The following NCBP1 variants were observed in gnomAD, a reference collection of about 807,000 sequenced individuals.
NCBP1 encodes nuclear cap-binding protein subunit 1.
In NCBP1, 16 loss-of-function variants were observed where a neutral mutation model predicts 111.7. That is an observed-to-expected ratio of 0.14 (90% CI 0.10 to 0.22). The LOEUF is 0.22. Among genes scored for constraint, NCBP1 ranks in the 10% least tolerant of loss-of-function variants. NCBP1 has a pLI of 1.00. For synonymous variants in NCBP1, 304 were observed against 314.3 expected (o/e 0.97, Z 0.35); for missense variants, 607 against 957.5 (o/e 0.63, Z 4.83).
intron 15 of NCBP1, among the ~76,000 whole-genome samples, chr9:97,659,143 A>G (rs374607389): frequency 3.0e-4 from 45 of 152,380 alleles, no homozygotes; most frequent in African/African-American, 1.0e-3. Context: ...ATTCTTAATT[A>G]TGATTTTCTT....
chr9:97,649,850 AAG>A (rs1435077414), intron 8 of NCBP1, among the ~76,000 whole-genome samples: 1 of 152,024 alleles, frequency 6.6e-6, no homozygotes, highest in Admixed American at 6.5e-5. Flanking sequence ...CCCTTGCTAG[AAG>A]AGTATAAATA....
chr9:97,634,927 GT>G (rs1826962634), intron 1 of NCBP1, among the ~76,000 whole-genome samples: 1 of 152,002 alleles, frequency 6.6e-6, no homozygotes, highest in Non-Finnish European at 1.5e-5. Flanking sequence ...ATATCTTCTG[GT>G]TTTTGTGAAG....
intron 1 of NCBP1, among the ~76,000 whole-genome samples, chr9:97,634,209 C>T (rs2131324899): frequency 6.6e-6 from 1 of 152,342 alleles, no homozygotes; most frequent in Non-Finnish European, 1.5e-5. Context: ...CGTAAAACCA[C>T]GGAGCAGGGA....
At chr9:97,647,421 A>G (rs1827373358) in intron 6 of NCBP1, 71 bp from the exon 7 acceptor site, 4 of 1,216,398 alleles carry the variant, frequency 3.3e-6, no homozygotes, top group South Asian at 1.3e-5. Context: ...TTGCATTTTA[A>G]TAACTGTGAG....
At chr9:97,655,058 C>T (rs899002765) in intron 12 of NCBP1, 114 bp downstream of exon 12, 31 of 848,628 alleles carry the variant, frequency 3.7e-5, no homozygotes, top group Non-Finnish European at 5.2e-5. Context: ...TTTTTCTTGC[C>T]TCCCAAAATA....
At position 97,656,113 on chromosome 9, in the gene NCBP1, A is replaced by G. The variant is rs781752628; in HGVS notation, c.1373+28A>G. 16 of 1,553,300 alleles carry G rather than the reference A, an allele frequency of 1.0e-5. No homozygotes were observed. The African/African-American group carries it at 2.2e-4, about 21-fold the overall frequency. On this transcript the variant is annotated intron_variant, in intron 14 of 22. Transcript: ENST00000375147. ...AAGTTTTTTGTGTTTTCTCCTTTTA[A>G]CTTCTTTGGGAGGATTTCTTTCTCT...
chr9:97,657,420 T>C (rs1206802242), intron 14 of NCBP1, among the ~76,000 whole-genome samples: 1 of 152,210 alleles, frequency 6.6e-6, no homozygotes, highest in Non-Finnish European at 1.5e-5. Context: ...ATATTTCTCA[T>C]GAGCAGACTG....
Position 97,658,719 on chromosome 9 carries a change from T to G in NCBP1, c.1453T>G (p.Tyr485Asp). Residue 485 changes from tyrosine (Y) to aspartate (D), a missense_variant, in exon 15 of 23, where the codon TAC becomes GAC. Transcript: ENST00000375147. ...ALCPANPTCI[Y>D]KYGDESSNSL... ...GTGTCCTGCAAACCCAACCTGCATTTACAAGTATGGAGATGAAAGTAGCAG... is the reference window on the plus strand; with the variant it reads ...GTGTCCTGCAAACCCAACCTGCATTGACAAGTATGGAGATGAAAGTAGCAG... 1 of 1,610,460 alleles carries G rather than the reference T, an allele frequency of 6.2e-7. No homozygotes were observed. Among genetic ancestry groups the G allele is most frequent in the African/African-American group, 1.3e-5 (1 of 74,834 alleles).
In NCBP1 at chr9:97,666,773, T is replaced by C. The variant is rs1388333402; in HGVS notation, c.1912T>C (p.Trp638Arg). Residue 638 changes from tryptophan (W) to arginine (R), a missense_variant, in exon 20 of 23, where the codon TGG (tryptophan) becomes CGG (arginine). Trp to Arg is a moderately radical substitution (Grantham distance 101). Coordinates refer to ENST00000375147, the MANE Select transcript of NCBP1 (RefSeq NM_002486.5). ...CCATATTTCTTTAAGATTGTTTGTT[T>C]GGGAAATTTTGCACTCTACAATTCG... ...LSRDFTRLFV[W>R]EILHSTIRKM... is the part of the protein sequence containing the mutation. 2 of 1,594,704 alleles carry C rather than the reference T, an allele frequency of 1.3e-6. No homozygotes were observed.
chr9:97,667,506 A>T (rs1486524161), intron 20 of NCBP1, among the ~76,000 whole-genome samples: 4 of 152,188 alleles, frequency 2.6e-5, no homozygotes, highest in Non-Finnish European at 5.9e-5. Flanking sequence ...ACATATATGG[A>T]TATAAACACT....
chr9:97,656,172 G>A, intron 14 of NCBP1, 87 bp downstream of exon 14: 1 of 1,122,572 alleles, frequency 8.9e-7, no homozygotes, highest in Non-Finnish European at 1.3e-6. Context: ...CAGAATATTG[G>A]ATTCAAAATC....
chr9:97,661,191 TGTTGTTC>T, intron 16 of NCBP1, 123 bp downstream of exon 16: 1 of 1,210,642 alleles, frequency 8.3e-7, no homozygotes. Context: ...CTGTTCAGAC[TGTTGTTC>T]TTAGCACCCC....
intron 3 of NCBP1, 175 bp downstream of exon 3, chr9:97,641,837 G>T (rs1231120516): frequency 2.7e-6 from 1 of 364,462 alleles, no homozygotes; most frequent in Non-Finnish European, 3.8e-6. Flanking sequence ...TTTTCTTAGG[G>T]ATAAAACTAA....
chr9:97,660,152 CT>C (rs980125772), intron 15 of NCBP1, among the ~76,000 whole-genome samples: 2 of 151,998 alleles, frequency 1.3e-5, no homozygotes, highest in African/African-American at 4.8e-5. Context: ...TCTTCGCCTT[CT>C]TTTTTTTAGA....
In NCBP1 at chr9:97,650,562, C is replaced by T. The variant is rs769663361; in HGVS notation, c.957C>T (p.His319=). ...GATTTGTAATAGAAGAGAATCTTCACTGCATCATTAAGTCCCACTGGAAGG... is the reference window on the plus strand; with the variant it reads ...GATTTGTAATAGAAGAGAATCTTCATTGCATCATTAAGTCCCACTGGAAGG... ...VERFVIEENL[H]CIIKSHWKER... Residue 319 remains histidine, a synonymous_variant, in exon 9 of 23, where the codon CAC becomes CAT. Transcript: ENST00000375147. The T allele has an allele frequency of 6.2e-7, 1 of 1,613,358 alleles. No homozygotes were observed. The highest frequency in any genetic ancestry group is 2.2e-5 in the East Asian group (1 of 44,810).
intron 16 of NCBP1, 77 bp downstream of exon 16, chr9:97,661,145 G>T (rs556751696): frequency 9.6e-6 from 15 of 1,567,118 alleles, no homozygotes; most frequent in Non-Finnish European, 1.2e-5. Context: ...CTGGCAACAT[G>T]ATGCTCTTAA....
intron 10 of NCBP1, among the ~76,000 whole-genome samples, chr9:97,651,586 G>T (rs1005326383): frequency 6.6e-6 from 1 of 152,142 alleles, no homozygotes; most frequent in Non-Finnish European, 1.5e-5. Flanking sequence ...TAGCCAAATG[G>T]AATTTTGAAT....
At position 97,658,577 on chromosome 9, in the gene NCBP1, C is replaced by T. The variant is rs16923112; in HGVS notation, c.1374-63C>T. The T allele has an allele frequency of 0.033, 40,523 of 1,230,688 alleles. 5,500 individuals are homozygous for T. In the African/African-American group the frequency reaches 0.36, roughly 11 times the overall value. 76.2% of individuals were successfully genotyped at this position (1,230,688 alleles called of 1,614,324 possible). A position where few individuals can be genotyped will look rare whatever the true frequency, so the allele number is the denominator to read the frequency against. On this transcript the variant is annotated intron_variant, in intron 14 of 22. Transcript: ENST00000375147. ...GGAGATCATGACTTTCCAGGTAAGTCGGGTGTTACCGAAGAATGGGACTGA... is the reference window on the plus strand; with the variant it reads ...GGAGATCATGACTTTCCAGGTAAGTTGGGTGTTACCGAAGAATGGGACTGA...
intron 10 of NCBP1, among the ~76,000 whole-genome samples, chr9:97,653,368 G>A (rs1827553531): frequency 6.6e-6 from 1 of 152,090 alleles, no homozygotes; most frequent in Non-Finnish European, 1.5e-5. Context: ...TAATCTGCCT[G>A]CCTCAGCCTC....
Sources: allele counts gnomAD v4.1 joint callset (sites outside exome capture counted in the v4.1 genomes callset), GRCh38; gene constraint gnomAD v4.1.1; transcripts MANE v1.5; gene names NCBI Gene and HGNC (gene_info 2026-07-23, HGNC 2026-07-21).